The following CD163 variants were observed in gnomAD, a reference collection of about 807,000 sequenced individuals.
CD163 encodes CD163 molecule.
CD163 carries 64 observed loss-of-function variants against 129.2 expected under a neutral mutation model. The observed-to-expected ratio is 0.50, with a 90% CI of 0.41 to 0.61. The LOEUF (loss-of-function observed/expected upper bound fraction) is 0.61, where lower values mean the gene tolerates loss of function less well. Ranked by LOEUF, CD163 falls within the 20% of genes least tolerant of loss-of-function variation. The pLI is 0.00. For missense variants in CD163, 1,061 were observed against 1,377.9 expected, an observed-to-expected ratio of 0.77 and a Z score of 3.64; for synonymous variants, 446 against 478.5, an observed-to-expected ratio of 0.93 and a Z score of 0.89.
chr12:7,477,229 C>A (rs1949099632), intron 16 of CD163, among the ~76,000 whole-genome samples: 1 of 152,120 alleles, frequency 6.6e-6, no homozygotes, highest in South Asian at 2.1e-4. Context: ...CCACCAATCC[C>A]ATTACTGGGT....
intron 6 of CD163, among the ~76,000 whole-genome samples, chr12:7,491,240 C>G (rs1949323406): frequency 6.6e-6 from 1 of 152,080 alleles, no homozygotes; most frequent in South Asian, 2.1e-4. Flanking sequence ...TTTCTTTGTA[C>G]TAACATATTT....
At position 7,487,428 on chromosome 12, in the gene CD163, C is replaced by T; in HGVS notation, c.1981G>A (p.Asp661Asn). 1 of 1,613,424 alleles carries T rather than the reference C, an allele frequency of 6.2e-7. No homozygotes were observed. Among genetic ancestry groups the T allele is most frequent in the Non-Finnish European group, 8.5e-7 (1 of 1,179,694 alleles). ...HCTGTEQHMG[D>N]CPVTALGASL... ...GCACCTAGAGCAGTTACAGGACAATCTCCCATGTGCTGCTCAGTCCCAGTG... is the reference window on the plus strand; with the variant it reads ...GCACCTAGAGCAGTTACAGGACAATTTCCCATGTGCTGCTCAGTCCCAGTG... The change falls in exon 8 of 17, where the codon GAT becomes AAT. Residue 661 changes from aspartate to asparagine, a missense_variant. By Grantham distance (23) the Asp-to-Asn change is conservative (BLOSUM62 1). Coordinates refer to ENST00000432237, the MANE Select transcript of CD163 (RefSeq NM_203416.4). This position sits in a 1 kb window ranked among gnomAD's most constrained non-coding sequence, Gnocchi z 5.1.
intron 15 of CD163, 173 bp from the exon 16 acceptor site, chr12:7,480,086 T>C: frequency 1.7e-6 from 2 of 1,200,216 alleles, no homozygotes; most frequent in South Asian, 3.0e-5. Context: ...ACACCACCCA[T>C]AACTAGGAAG....
chr12:7,492,789 GA>G (rs1949343532), intron 6 of CD163, among the ~76,000 whole-genome samples: 1 of 152,080 alleles, frequency 6.6e-6, no homozygotes, highest in South Asian at 2.1e-4. Flanking sequence ...AAGAATTGAA[GA>G]AAAAACTCTA....
chr12:7,498,777 T>G, intron 4 of CD163, 91 bp downstream of exon 4: 1 of 1,225,244 alleles, frequency 8.2e-7, no homozygotes, highest in Non-Finnish European at 1.1e-6. Flanking sequence ...GCAGACTTCA[T>G]TATGTTCTTA....
Position 7,471,063 on chromosome 12 carries a change from G to A in CD163, c.*366C>T, listed in dbSNP as rs1449352196. On this transcript the variant is annotated 3_prime_UTR_variant, in exon 17 of 17. Transcript: ENST00000432237. The stretch of plus-strand genomic sequence containing the variant: ...ATATACAGTACTGTATATGCAAATT[G>A]AAACACTGTCAAATAAAACACATTA... The A allele has an allele frequency of 6.6e-6, 1 of 151,966 alleles. No homozygotes were observed. Among genetic ancestry groups the A allele is most frequent in the Non-Finnish European group, 1.5e-5 (1 of 67,976 alleles). The allele number at this position is 151,966 out of a possible 1,614,324, so 9.4% of individuals were successfully genotyped here. A position where few individuals can be genotyped will look rare whatever the true frequency, so the allele number is the denominator to read the frequency against.
In CD163 at chr12:7,471,201, T is replaced by C. The variant is rs1238415880; in HGVS notation, c.*228A>G. The C allele has an allele frequency of 2.0e-5, 3 of 152,324 alleles. No homozygotes were observed. The highest frequency in any genetic ancestry group is 4.4e-5 in the Non-Finnish European group (3 of 68,014). The allele number at this position is 152,324 out of a possible 1,614,324, so 9.4% of individuals were successfully genotyped here. On this transcript the variant is annotated 3_prime_UTR_variant, in exon 17 of 17. Transcript: ENST00000432237. Reference sequence around the variant, plus strand: ...TCAATAACATTCTTATTTATTTATTTAATTCCCTTGAAAGTCTCATATACA... The same window carrying C: ...TCAATAACATTCTTATTTATTTATTCAATTCCCTTGAAAGTCTCATATACA...
chr12:7,479,937 G>C (rs74056488), intron 15 of CD163, 24 bp from the exon 16 acceptor site: 1 of 1,612,594 alleles, frequency 6.2e-7, no homozygotes, highest in Non-Finnish European at 8.5e-7. Context: ...GAAATAGGAA[G>C]AAATTTAGAC....
chr12:7,498,124 TAC>T (rs571405606), intron 4 of CD163, among the ~76,000 whole-genome samples: 83 of 148,518 alleles, frequency 5.6e-4, no homozygotes, highest in Non-Finnish European at 8.3e-4. Flanking sequence ...TTCCTTTATT[TAC>T]ACACACACAC....
intron 11 of CD163, among the ~76,000 whole-genome samples, chr12:7,484,651 A>G (rs937274018): frequency 1.3e-5 from 2 of 151,782 alleles, no homozygotes; most frequent in African/African-American, 4.8e-5. Flanking sequence ...AAAAAAAAAA[A>G]AAAAAAAACC....
chr12:7,488,800 A>G (rs1365356589), intron 6 of CD163, among the ~76,000 whole-genome samples: 3 of 152,222 alleles, frequency 2.0e-5, no homozygotes, highest in African/African-American at 7.2e-5. Context: ...TCAAAGTTGA[A>G]TGAATTATTG....
intron 14 of CD163, among the ~76,000 whole-genome samples, chr12:7,482,337 T>G (rs1395010921): frequency 6.6e-6 from 1 of 152,136 alleles, no homozygotes; most frequent in Non-Finnish European, 1.5e-5. Flanking sequence ...TAAACCCCTT[T>G]TCTCCTCTGA....
Position 7,487,760 on chromosome 12 carries a change from T to C in CD163, c.1735+13A>G. On this transcript the variant is annotated intron_variant, in intron 7 of 16. Coordinates refer to ENST00000432237, the MANE Select transcript of CD163 (RefSeq NM_203416.4). The surrounding 1 kb of genome is among the most constrained non-coding windows in gnomAD (Gnocchi z 5.1). ...AGTATGAGAACCAATTAAAGATGTT[T>C]TCTGGGTCTTACTTGAGCAGACTAC... The C allele has an allele frequency of 6.2e-7, 1 of 1,613,950 alleles. No homozygotes were observed. The highest frequency in any genetic ancestry group is 8.5e-7 in the Non-Finnish European group (1 of 1,180,016).
chr12:7,489,571 G>C (rs1324523443), intron 6 of CD163, among the ~76,000 whole-genome samples: 1 of 151,876 alleles, frequency 6.6e-6, no homozygotes, highest in Non-Finnish European at 1.5e-5. Context: ...TCTATTTTAG[G>C]CATTTGATGA....
intron 6 of CD163, among the ~76,000 whole-genome samples, chr12:7,490,384 G>GCT (rs997828958): frequency 3.3e-5 from 5 of 151,930 alleles, no homozygotes; most frequent in Admixed American, 6.6e-5. Context: ...TTATGAAGAT[G>GCT]CTCTTTGTCA....
chr12:7,487,316 C>A lies in CD163; in HGVS notation c.2050+43G>T. On this transcript the variant is annotated intron_variant, in intron 8 of 16. Coordinates refer to ENST00000432237, the MANE Select transcript of CD163 (RefSeq NM_203416.4). The surrounding 1 kb of genome is among the most constrained non-coding windows in gnomAD (Gnocchi z 5.1). The stretch of plus-strand genomic sequence containing the variant: ...CTTTTGTTCTTCATCCCTATGTACA[C>A]CTTCTCTTAAGACCCATCACTGGCT... The A allele has an allele frequency of 6.6e-7, 1 of 1,524,012 alleles. No homozygotes were observed. The highest frequency in any genetic ancestry group is 1.4e-5 in the African/African-American group (1 of 72,004). The allele number at this position is 1,524,012 out of a possible 1,614,324, so 94.4% of individuals were successfully genotyped here.
Position 7,496,218 on chromosome 12 carries a change from C to A in CD163, c.1099+595G>T, listed in dbSNP as rs1013485945. 6.6e-6 allele frequency among the ~76,000 whole-genome samples: 1 copy of A among 152,050 alleles called. No homozygotes were observed. Among genetic ancestry groups the A allele is most frequent in the Non-Finnish European group, 1.5e-5 (1 of 68,008 alleles). On this transcript the variant is annotated intron_variant, in intron 5 of 16. Coordinates refer to ENST00000432237, the MANE Select transcript of CD163 (RefSeq NM_203416.4). This position sits in a 1 kb window ranked among gnomAD's most constrained non-coding sequence, Gnocchi z 4.8. ...GAAACCATCATCCTCAGCAAACTAA[C>A]ACACAAGAACAGAAAACCAAACACT...
rs1211412055 is a variant in CD163 at position 7,483,396 on chromosome 12, T to A, written c.3059A>T (p.His1020Leu). The A allele has an allele frequency of 6.2e-7, 1 of 1,613,990 alleles. No homozygotes were observed. Among genetic ancestry groups the A allele is most frequent in the Non-Finnish European group, 8.5e-7 (1 of 1,179,958 alleles). Residue 1020 changes from histidine (H) to leucine (L), a missense_variant, in exon 12 of 17, where the codon CAC becomes CTC. His to Leu is a moderately conservative substitution (Grantham distance 99). Transcript: ENST00000432237. ...ARRWGHSECG[H>L]KEDAAVNCTD... ...GCAATTCACTGCAGCGTCTTCCTTG[T>A]GCCCACACTCACTATGGCCCCAGCG... is the stretch of plus-strand genomic sequence containing the variant.
intron 6 of CD163, among the ~76,000 whole-genome samples, chr12:7,494,560 A>G (rs1451371497): frequency 6.6e-6 from 1 of 152,236 alleles, no homozygotes; most frequent in Non-Finnish European, 1.5e-5. Flanking sequence ...TTTAAAAAGC[A>G]TCACTTTTCA....
Sources: allele counts gnomAD v4.1 joint callset (sites outside exome capture counted in the v4.1 genomes callset), GRCh38; gene constraint gnomAD v4.1.1; non-coding constraint Gnocchi (gnomAD v3.1); transcripts MANE v1.5; gene names NCBI Gene and HGNC (gene_info 2026-07-23, HGNC 2026-07-21).